STXBP5: variants seen among roughly 807,000 people sequenced by gnomAD.
The protein encoded by STXBP5 is syntaxin binding protein 5, also known as syntaxin-binding protein 5.
In STXBP5, 50 loss-of-function variants were observed where a neutral mutation model predicts 152.4. The observed-to-expected ratio is 0.33, with a 90% CI of 0.26 to 0.42. STXBP5 has a LOEUF of 0.42. Ranked by LOEUF, STXBP5 falls within the 10% of genes least tolerant of loss-of-function variation. STXBP5 has a pLI of 1.00. For synonymous variants in STXBP5, 492 were observed against 494.7 expected (o/e 0.99, Z 0.07); for missense variants, 1,167 against 1,388.6 (o/e 0.84, Z 2.54).
chr6:147,236,741 T>C (rs1331218801), intron 3 of STXBP5, among the ~76,000 whole-genome samples: 1 of 151,106 alleles, frequency 6.6e-6, no homozygotes, highest in Non-Finnish European at 1.5e-5. Flanking sequence ...GAACTCCTGC[T>C]CACCCTCAGT....
At chr6:147,307,301 A>G (rs1782142033) in intron 9 of STXBP5, among the ~76,000 whole-genome samples, 1 of 152,206 alleles carries the variant, frequency 6.6e-6, no homozygotes. Flanking sequence ...GGATTCTACT[A>G]AAATTCTACT....
chr6:147,329,770 C>A (rs960676695), intron 18 of STXBP5, among the ~76,000 whole-genome samples: 1 of 151,810 alleles, frequency 6.6e-6, no homozygotes, highest in Non-Finnish European at 1.5e-5. Flanking sequence ...GGACTACAGG[C>A]GCCCGCTACC....
chr6:147,213,078 G>C (rs1562411789), intron 2 of STXBP5, among the ~76,000 whole-genome samples: 1 of 152,016 alleles, frequency 6.6e-6, no homozygotes, highest in South Asian at 2.1e-4. Context: ...TGAATTGCTA[G>C]TATGTAATTT....
intron 8 of STXBP5, among the ~76,000 whole-genome samples, chr6:147,289,798 C>G (rs1054723758): frequency 4.6e-5 from 7 of 151,724 alleles, no homozygotes; most frequent in African/African-American, 1.7e-4. Flanking sequence ...GCTGATAGAA[C>G]TATAAATTGG....
intron 25 of STXBP5, among the ~76,000 whole-genome samples, chr6:147,372,452 T>TGAGACAGA (rs1785602366): frequency 9.2e-6 from 1 of 109,054 alleles, no homozygotes; most frequent in African/African-American, 4.0e-5. Context: ...TTTTTTTTTT[T>TGAGACAGA]TTTTTTGAGA....
At chr6:147,259,549 A>G (rs1216008494) in intron 4 of STXBP5, among the ~76,000 whole-genome samples, 1 of 152,190 alleles carries the variant, frequency 6.6e-6, no homozygotes, top group Non-Finnish European at 1.5e-5. Context: ...TATTTATTTG[A>G]TAAGTGTTTT....
At chr6:147,356,798 A>G (rs937221417) in intron 22 of STXBP5, among the ~76,000 whole-genome samples, 1 of 152,202 alleles carries the variant, frequency 6.6e-6, no homozygotes, top group Admixed American at 6.6e-5. Flanking sequence ...TTAATAAAGT[A>G]CAACTTAGAA....
chr6:147,289,047 G>C (rs2128350209), intron 8 of STXBP5, among the ~76,000 whole-genome samples: 2 of 152,264 alleles, frequency 1.3e-5, no homozygotes, highest in Middle Eastern at 6.8e-3. Flanking sequence ...CCACCATTTT[G>C]TTACTTACTG....
intron 26 of STXBP5, among the ~76,000 whole-genome samples, chr6:147,377,769 T>G (rs1411303449): frequency 6.6e-6 from 1 of 152,088 alleles, no homozygotes; most frequent in African/African-American, 2.4e-5. Context: ...GGATTAGATT[T>G]CAACATATGA....
chr6:147,351,290 T>C (rs1399394280), intron 21 of STXBP5, among the ~76,000 whole-genome samples: 3 of 152,222 alleles, frequency 2.0e-5, no homozygotes, highest in African/African-American at 7.2e-5. Context: ...AAGCAAAGGA[T>C]TTAAAATAAC....
At chr6:147,272,349 T>C (rs1409177964) in intron 7 of STXBP5, among the ~76,000 whole-genome samples, 1 of 152,210 alleles carries the variant, frequency 6.6e-6, no homozygotes, top group African/African-American at 2.4e-5. Flanking sequence ...TCATAAAACT[T>C]ATTCTTAACA....
chr6:147,337,192 G>GACACAC (rs61074711), intron 19 of STXBP5, among the ~76,000 whole-genome samples: 2 of 53,884 alleles, frequency 3.7e-5, no homozygotes, highest in African/African-American at 9.8e-5. Context: ...CACATACATA[G>GACACAC]ACACACACAC....
chr6:147,264,359 T>G (rs1779785094), intron 6 of STXBP5, among the ~76,000 whole-genome samples: 2 of 152,130 alleles, frequency 1.3e-5, no homozygotes, highest in African/African-American at 4.8e-5. Flanking sequence ...AGCACTGTGC[T>G]TGCCACTTTA....
At chr6:147,371,212 A>G (rs1461756499) in intron 25 of STXBP5, among the ~76,000 whole-genome samples, 1 of 152,100 alleles carries the variant, frequency 6.6e-6, no homozygotes, top group Non-Finnish European at 1.5e-5. Context: ...AACATGAATC[A>G]TTCTAAATAG....
chr6:147,273,976 T>TA (rs2128339180), intron 7 of STXBP5, among the ~76,000 whole-genome samples: 1 of 150,950 alleles, frequency 6.6e-6, no homozygotes, highest in African/African-American at 2.4e-5. Context: ...GTTGAAATAA[T>TA]ATGTTTGCAG....
intron 7 of STXBP5, among the ~76,000 whole-genome samples, chr6:147,268,391 A>C (rs1221453002): frequency 1.3e-5 from 2 of 152,160 alleles, no homozygotes; most frequent in Non-Finnish European, 2.9e-5. Flanking sequence ...TTTAAGATAA[A>C]ATACATCATA....
chr6:147,340,278 T>G (rs540460288), intron 21 of STXBP5, among the ~76,000 whole-genome samples: 1 of 152,174 alleles, frequency 6.6e-6, no homozygotes, highest in Admixed American at 6.5e-5. Flanking sequence ...CAAAAATTCT[T>G]AGAAGTAACA....
intron 7 of STXBP5, among the ~76,000 whole-genome samples, chr6:147,272,385 A>T (rs1366147988): frequency 1.3e-5 from 2 of 152,212 alleles, no homozygotes. Context: ...AATGAAAATC[A>T]TGTGTTCTAA....
intron 18 of STXBP5, 43 bp from the exon 19 acceptor site, chr6:147,334,114 C>T: frequency 1.9e-6 from 3 of 1,588,544 alleles, no homozygotes; most frequent in Non-Finnish European, 2.6e-6. Context: ...ACTGCACTTA[C>T]ATAAATGTAT....
Sources: allele counts gnomAD v4.1 joint callset (sites outside exome capture counted in the v4.1 genomes callset), GRCh38; gene constraint gnomAD v4.1.1; transcripts MANE v1.5; gene names NCBI Gene and HGNC (gene_info 2026-07-23, HGNC 2026-07-21).